Variants in ANKS1B observed in about 807,000 individuals in gnomAD.
The protein encoded by ANKS1B is ankyrin repeat and sterile alpha motif domain containing 1B.
ANKS1B carries 36 observed loss-of-function variants against 148.3 expected under a neutral mutation model. The ratio of observed to expected loss-of-function variants is 0.24; its 90% CI spans 0.19 to 0.32. The LOEUF (loss-of-function observed/expected upper bound fraction) is 0.32, where lower values mean the gene tolerates loss of function less well. Among genes scored for constraint, ANKS1B ranks in the 10% least tolerant of loss-of-function variants. The probability of loss-of-function intolerance (pLI) is 1.00; values close to 1 mark genes in which losing one functional copy is unlikely to be tolerated. For synonymous variants in ANKS1B, 542 were observed against 560.8 expected (o/e 0.97, Z 0.47); for missense variants, 1,157 against 1,542.6 (o/e 0.75, Z 4.19).
chr12:99,836,000 C>A (rs185613873), intron 1 of ANKS1B, among the ~76,000 whole-genome samples: 1 of 152,244 alleles, frequency 6.6e-6, no homozygotes, highest in Non-Finnish European at 1.5e-5. Flanking sequence ...CACATACTAT[C>A]CCATATGAGT....
chr12:99,650,645 T>C (rs2098413328), intron 9 of ANKS1B, among the ~76,000 whole-genome samples: 1 of 152,300 alleles, frequency 6.6e-6, no homozygotes, highest in South Asian at 2.1e-4. Context: ...TAAATTTTCA[T>C]GAATTTGTAG....
chr12:99,973,518 G>A (rs2095586694), intron 1 of ANKS1B, among the ~76,000 whole-genome samples: 1 of 152,234 alleles, frequency 6.6e-6, no homozygotes, highest in South Asian at 2.1e-4. Flanking sequence ...GGTCAAGGCT[G>A]CAGTGAGCAC....
chr12:98,955,473 T>C (rs1465914377), intron 17 of ANKS1B, among the ~76,000 whole-genome samples: 2 of 151,880 alleles, frequency 1.3e-5, no homozygotes, highest in African/African-American at 4.8e-5. Flanking sequence ...GGCTGCAATA[T>C]TGAGAAAAGC....
intron 14 of ANKS1B, among the ~76,000 whole-genome samples, chr12:99,158,129 GAAGTATTT>G (rs1270650045): frequency 6.6e-6 from 1 of 152,132 alleles, no homozygotes; most frequent in East Asian, 1.9e-4. Flanking sequence ...CGGTTTTGTT[GAAGTATTT>G]TCTCATGAGT....
chr12:98,898,022 A>G (rs981677733), intron 17 of ANKS1B, among the ~76,000 whole-genome samples: 3 of 152,208 alleles, frequency 2.0e-5, no homozygotes, highest in Admixed American at 6.5e-5. Context: ...AAATGGACAT[A>G]CAGAGGGAAA....
At chr12:99,449,650 C>T (rs1037003069) in intron 10 of ANKS1B, among the ~76,000 whole-genome samples, 2 of 152,038 alleles carry the variant, frequency 1.3e-5, no homozygotes, top group Admixed American at 6.6e-5. Context: ...TCAAAAGAAA[C>T]ACCATCAGAA....
intron 1 of ANKS1B, among the ~76,000 whole-genome samples, chr12:99,837,113 A>AAAAG (rs1348956689): frequency 1.3e-5 from 2 of 152,180 alleles, no homozygotes; most frequent in Non-Finnish European, 2.9e-5. Flanking sequence ...GTCAGAATCA[A>AAAAG]AAAGACGGCA....
intron 8 of ANKS1B, among the ~76,000 whole-genome samples, chr12:99,720,139 A>G (rs2057924539): frequency 6.6e-6 from 1 of 152,198 alleles, no homozygotes; most frequent in African/African-American, 2.4e-5. Flanking sequence ...TCTATCCTCA[A>G]GGAAAGCACT....
intron 1 of ANKS1B, among the ~76,000 whole-genome samples, chr12:99,906,416 A>G (rs1565971483): frequency 6.6e-6 from 1 of 152,234 alleles, no homozygotes; most frequent in Non-Finnish European, 1.5e-5. Flanking sequence ...TGAGAAGTCT[A>G]TGCTTATGAT....
intron 1 of ANKS1B, among the ~76,000 whole-genome samples, chr12:99,833,076 T>C (rs1330790666): frequency 2.0e-5 from 3 of 152,194 alleles, no homozygotes; most frequent in African/African-American, 7.2e-5. Flanking sequence ...TGCAATAACA[T>C]AGAAAAATAC....
intron 11 of ANKS1B, among the ~76,000 whole-genome samples, chr12:99,413,239 A>G (rs1324916903): frequency 6.6e-6 from 1 of 152,184 alleles, no homozygotes; most frequent in Non-Finnish European, 1.5e-5. Context: ...TTCACAGATA[A>G]TCTCAGTTAA....
At chr12:98,832,971 C>G (rs549914395) in intron 17 of ANKS1B, among the ~76,000 whole-genome samples, 3 of 152,022 alleles carry the variant, frequency 2.0e-5, no homozygotes, top group African/African-American at 4.8e-5. Flanking sequence ...ATGGGAGTTG[C>G]AAAATTAGAG....
intron 17 of ANKS1B, among the ~76,000 whole-genome samples, chr12:98,915,077 C>T (rs2099792369): frequency 6.6e-6 from 1 of 152,102 alleles, no homozygotes; most frequent in South Asian, 2.1e-4. Context: ...CCCCACCACC[C>T]CCAGTAAGTC....
At chr12:99,214,457 G>C (rs1227755973) in intron 14 of ANKS1B, among the ~76,000 whole-genome samples, 1 of 152,150 alleles carries the variant, frequency 6.6e-6, no homozygotes, top group Non-Finnish European at 1.5e-5. Context: ...TCTCATGGTA[G>C]TTAATAAATC....
chr12:99,338,068 G>C (rs757951337), intron 12 of ANKS1B, among the ~76,000 whole-genome samples: 3 of 152,150 alleles, frequency 2.0e-5, no homozygotes, highest in African/African-American at 7.2e-5. Context: ...GTGTTCTTAA[G>C]TCAGAAGGCG....
intron 15 of ANKS1B, among the ~76,000 whole-genome samples, chr12:99,108,830 AG>A (rs1217670330): frequency 1.3e-5 from 2 of 152,190 alleles, no homozygotes; most frequent in African/African-American, 4.8e-5. Flanking sequence ...TGGGCATAAT[AG>A]GGTTCTTCTT....
At chr12:99,742,650 C>T (rs1024778382) in intron 8 of ANKS1B, among the ~76,000 whole-genome samples, 3 of 151,500 alleles carry the variant, frequency 2.0e-5, no homozygotes, top group Non-Finnish European at 4.4e-5. Flanking sequence ...CTGACCAACA[C>T]GGTGAAACCC....
At chr12:99,917,780 C>T (rs1377514569) in intron 1 of ANKS1B, among the ~76,000 whole-genome samples, 1 of 152,210 alleles carries the variant, frequency 6.6e-6, no homozygotes, top group Non-Finnish European at 1.5e-5. Context: ...TTTAGAATAA[C>T]TGTCTAAAGG....
At chr12:99,675,717 A>G (rs76718790) in intron 8 of ANKS1B, among the ~76,000 whole-genome samples, 3,256 of 152,012 alleles carry the variant, frequency 0.021, 126 homozygotes, top group African/African-American at 0.075. Flanking sequence ...AAGGATATTT[A>G]TCATCATATT....
Sources: gnomAD v4.1 joint callset for allele counts (sites outside exome capture counted in the v4.1 genomes callset) on GRCh38, gnomAD v4.1.1 for gene constraint, MANE v1.5 for transcripts, NCBI Gene and HGNC (gene_info 2026-07-23, HGNC 2026-07-21) for gene names.